The following RBFOX1 variants were observed in gnomAD, a reference collection of about 807,000 sequenced individuals.
RBFOX1 encodes RNA binding protein fox-1 homolog 1.
Under a neutral mutation model 57.7 loss-of-function variants are expected in RBFOX1, and 8 were observed. The ratio of observed to expected loss-of-function variants is 0.14; its 90% CI spans 0.08 to 0.25. RBFOX1 has a LOEUF of 0.25. RBFOX1 is among the 10% of genes least tolerant of loss of function. The pLI, the probability that RBFOX1 is intolerant of heterozygous loss-of-function variation, is 1.00. For missense variants in RBFOX1, 611 were observed against 548.5 expected, an observed-to-expected ratio of 1.11 and a Z score of -1.14; for synonymous variants, 326 against 222.4, an observed-to-expected ratio of 1.47 and a Z score of -4.15.
intron 4 of RBFOX1, among the ~76,000 whole-genome samples, chr16:7,201,021 G>T: frequency 6.6e-6 from 1 of 152,300 alleles, no homozygotes; most frequent in Non-Finnish European, 1.5e-5. Flanking sequence ...ATTATTTGGG[G>T]ACTCTCTAAA....
At chr16:5,575,936 C>G (rs990294072) in intron 2 of RBFOX1, among the ~76,000 whole-genome samples, 2 of 151,564 alleles carry the variant, frequency 1.3e-5, no homozygotes, top group Non-Finnish European at 2.9e-5. Context: ...GTGAAGACAT[C>G]TGCTTCTTTG....
At chr16:7,573,872 C>G (rs751494655) in intron 5 of RBFOX1, among the ~76,000 whole-genome samples, 6 of 151,958 alleles carry the variant, frequency 3.9e-5, no homozygotes, top group Non-Finnish European at 7.4e-5. Flanking sequence ...GGAGTTCTCT[C>G]AGAGATTACT....
At chr16:7,281,069 C>G (rs572395802) in intron 4 of RBFOX1, among the ~76,000 whole-genome samples, 155 of 149,728 alleles carry the variant, frequency 1.0e-3, no homozygotes, top group African/African-American at 3.8e-3. Flanking sequence ...GTGGCACAGT[C>G]TTGGCTCACT....
intron 2 of RBFOX1, among the ~76,000 whole-genome samples, chr16:6,468,694 G>A (rs1454169800): frequency 6.6e-6 from 1 of 151,982 alleles, no homozygotes; most frequent in Admixed American, 6.6e-5. Context: ...GTTGAGCCTA[G>A]ATTTTTAAAT....
At chr16:5,648,946 C>T (rs2049139919) in intron 3 of RBFOX1, among the ~76,000 whole-genome samples, 1 of 151,764 alleles carries the variant, frequency 6.6e-6, no homozygotes, top group African/African-American at 2.4e-5. Context: ...CACCTGTAGT[C>T]CCAGCTACTT....
intron 1 of RBFOX1, among the ~76,000 whole-genome samples, chr16:6,221,533 C>T (rs999750769): frequency 4.6e-5 from 7 of 152,160 alleles, no homozygotes; most frequent in Admixed American, 2.0e-4. Context: ...TCCAATGTGT[C>T]ATCCAAACAT....
intron 4 of RBFOX1, among the ~76,000 whole-genome samples, chr16:7,436,980 C>G (rs949760982): frequency 6.6e-6 from 1 of 152,140 alleles, no homozygotes; most frequent in Non-Finnish European, 1.5e-5. Context: ...ACTCAGGAAG[C>G]TGAGGTAGGA....
At chr16:5,546,721 A>C (rs924737710) in intron 2 of RBFOX1, among the ~76,000 whole-genome samples, 1 of 152,212 alleles carries the variant, frequency 6.6e-6, no homozygotes, top group African/African-American at 2.4e-5. Context: ...ATATGTTGCC[A>C]AAAACAAGAC....
At position 5,538,447 on chromosome 16, in the gene RBFOX1, A is replaced by G. The variant is rs556845069; in HGVS notation, c.259-60455A>G. Among the ~76,000 whole-genome samples, 6 of 152,258 alleles carry G rather than the reference A, an allele frequency of 3.9e-5. No homozygotes were observed. In the East Asian group the frequency reaches 1.2e-3, roughly 29 times the overall value. The stretch of plus-strand genomic sequence containing the variant: ...GAGGTCAAAGAAGACTAAGGCTTTT[A>G]GACGAAAAATGAGGAGGATTACATG... On this transcript the variant is annotated intron_variant, in intron 2 of 2. Coordinates refer to the RBFOX1 transcript ENST00000585867.
At chr16:6,252,857 C>T (rs2097629650) in intron 1 of RBFOX1, among the ~76,000 whole-genome samples, 1 of 152,100 alleles carries the variant, frequency 6.6e-6, no homozygotes, top group Non-Finnish European at 1.5e-5. Flanking sequence ...GTGAATGGAT[C>T]GTGTAGGCAC....
At chr16:6,018,694 G>C (rs188101669), upstream of RBFOX1, among the ~76,000 whole-genome samples, 3 of 152,296 alleles carry the variant, frequency 2.0e-5, no homozygotes, top group Admixed American at 1.3e-4. Flanking sequence ...AACTTCCTCA[G>C]AGAAGAAATG....
At chr16:6,475,917 T>C (rs988279113) in intron 2 of RBFOX1, among the ~76,000 whole-genome samples, 8 of 152,218 alleles carry the variant, frequency 5.3e-5, no homozygotes, top group African/African-American at 1.9e-4. Flanking sequence ...TAAAAATCTT[T>C]AGTGCATTGA....
intron 4 of RBFOX1, among the ~76,000 whole-genome samples, chr16:7,147,150 T>A (rs1395822192): frequency 7.0e-6 from 1 of 142,074 alleles, no homozygotes; most frequent in Admixed American, 7.2e-5. Flanking sequence ...TGGCTAATTT[T>A]TTTTTTTATT....
At chr16:5,522,142 T>G (rs2151746392) in intron 2 of RBFOX1, among the ~76,000 whole-genome samples, 1 of 152,276 alleles carries the variant, frequency 6.6e-6, no homozygotes, top group East Asian at 1.9e-4. Flanking sequence ...TTTTAAGGAG[T>G]AAGCTCAGCT....
At chr16:6,664,625 T>G (rs569972609) in intron 3 of RBFOX1, among the ~76,000 whole-genome samples, 1 of 152,318 alleles carries the variant, frequency 6.6e-6, no homozygotes, top group East Asian at 1.9e-4. Flanking sequence ...GACATCATTT[T>G]TACTGAGACT....
intron 4 of RBFOX1, among the ~76,000 whole-genome samples, chr16:7,272,246 A>G (rs2095336573): frequency 1.3e-5 from 2 of 152,108 alleles, no homozygotes; most frequent in South Asian, 2.1e-4. Flanking sequence ...GTGCATTGGT[A>G]TCACCTCGGC....
chr16:5,315,262 G>A (rs548580830), intron 1 of RBFOX1, among the ~76,000 whole-genome samples: 2 of 152,296 alleles, frequency 1.3e-5, no homozygotes, highest in South Asian at 2.1e-4. Context: ...GGAGGAGGCC[G>A]TCCGTCTGTC....
At chr16:6,530,488 C>T (rs758548386) in intron 2 of RBFOX1, among the ~76,000 whole-genome samples, 5 of 152,160 alleles carry the variant, frequency 3.3e-5, no homozygotes, top group Non-Finnish European at 5.9e-5. Context: ...TTCTTTCTCA[C>T]GATGCATAAC....
intron 4 of RBFOX1, among the ~76,000 whole-genome samples, chr16:7,303,427 A>G (rs1408248749): frequency 6.6e-6 from 1 of 151,876 alleles, no homozygotes; most frequent in Non-Finnish European, 1.5e-5. Flanking sequence ...ACCAACATCT[A>G]CCACTGTGGG....
Sources: allele counts gnomAD v4.1 joint callset (sites outside exome capture counted in the v4.1 genomes callset), GRCh38; gene constraint gnomAD v4.1.1; transcripts MANE v1.5; gene names NCBI Gene and HGNC (gene_info 2026-07-23, HGNC 2026-07-21).